The following ZBBX variants were observed in gnomAD, a reference collection of about 807,000 sequenced individuals.
ZBBX encodes the protein zinc finger B-box domain containing, also known as zinc finger B-box domain-containing protein 1.
In ZBBX, 101 loss-of-function variants were observed where a neutral mutation model predicts 108.5. That is an observed-to-expected ratio of 0.93 (90% CI 0.79 to 1.10). ZBBX has a LOEUF of 1.10. Ranked by LOEUF, ZBBX falls within the 50% of genes least tolerant of loss-of-function variation. The probability of loss-of-function intolerance (pLI) is 0.00; values close to 1 mark genes in which losing one functional copy is unlikely to be tolerated. For synonymous variants in ZBBX, 356 were observed against 323.4 expected (o/e 1.10, Z -1.08); for missense variants, 1,009 against 941.4 (o/e 1.07, Z -0.94).
chr3:167,180,325 G>A, the ZBBX span, among the ~76,000 whole-genome samples: 6 of 152,168 alleles, frequency 3.9e-5, no homozygotes, highest in African/African-American at 1.4e-4. Flanking sequence ...GCCTAGAGCA[G>A]GTCGTATCCA....
At position 167,282,417 on chromosome 3, in the gene ZBBX, G is replaced by C; in HGVS notation, c.2075C>G (p.Ser692Cys). 1 of 1,614,074 alleles carries C rather than the reference G, an allele frequency of 6.2e-7. No individual in the cohort carries two copies. Among genetic ancestry groups the C allele is most frequent in the Non-Finnish European group, 8.5e-7 (1 of 1,179,978 alleles). ...TGCACTTCTTGATCGAGGATGAGAG[G>C]ATGAAAGGCAACTGGAGCTTTCTTT... is the stretch of plus-strand genomic sequence containing the variant. ...SVKESSSCLS[S>C]SHPRSRSAAA... Residue 692 changes from serine (S) to cysteine (C), a missense_variant, in exon 20 of 22, where the codon TCC becomes TGC. By Grantham distance (112) the Ser-to-Cys change is moderately radical. Coordinates refer to ENST00000675490, the MANE Select transcript of ZBBX (RefSeq NM_001199201.2).
At chr3:167,386,769 A>T (rs955639780) in intron 1 of ZBBX, among the ~76,000 whole-genome samples, 3 of 152,068 alleles carry the variant, frequency 2.0e-5, no homozygotes, top group African/African-American at 7.2e-5. Flanking sequence ...CAATAAGTGT[A>T]TCATACTGTC....
chr3:167,234,544 T>C, the ZBBX span, among the ~76,000 whole-genome samples: 2 of 151,904 alleles, frequency 1.3e-5, no homozygotes, highest in African/African-American at 4.8e-5. Flanking sequence ...ATTGATTATA[T>C]AAGAAACTGG....
At chr3:167,390,336 T>C (rs571187496) in intron 1 of ZBBX, among the ~76,000 whole-genome samples, 3 of 152,240 alleles carry the variant, frequency 2.0e-5, no homozygotes, top group African/African-American at 7.2e-5. Flanking sequence ...TCTGTTTTGG[T>C]ACCAGTGCCA....
At chr3:167,210,262 C>T in the ZBBX span, among the ~76,000 whole-genome samples, 1 of 151,798 alleles carries the variant, frequency 6.6e-6, no homozygotes, top group Non-Finnish European at 1.5e-5. Flanking sequence ...AATTGACATG[C>T]TAAAGAATGC....
At chr3:167,252,394 T>C (rs1448487290) in intron 20 of ZBBX, among the ~76,000 whole-genome samples, 1 of 152,204 alleles carries the variant, frequency 6.6e-6, no homozygotes, top group Non-Finnish European at 1.5e-5. Flanking sequence ...GGAATTGTTC[T>C]GCTCATTGAC....
At chr3:167,327,433 C>T (rs1737595471) in intron 11 of ZBBX, among the ~76,000 whole-genome samples, 1 of 152,062 alleles carries the variant, frequency 6.6e-6, no homozygotes, top group African/African-American at 2.4e-5. Flanking sequence ...AATGCAAATC[C>T]CCCTAGTGCC....
At chr3:167,382,897 T>C (rs1203784283), upstream of ZBBX, among the ~76,000 whole-genome samples, 1 of 152,094 alleles carries the variant, frequency 6.6e-6, no homozygotes, top group Non-Finnish European at 1.5e-5. Context: ...AAGCTAATGG[T>C]TTTATTGCAC....
chr3:167,248,558 C>A (rs1315657376), intron 20 of ZBBX: 1 of 448,522 alleles, frequency 2.2e-6, no homozygotes, highest in African/African-American at 2.0e-5. Context: ...GCAAATTCGA[C>A]AGGGCACATT....
chr3:167,197,252 A>ATTAAAT, the ZBBX span, among the ~76,000 whole-genome samples: 1 of 152,184 alleles, frequency 6.6e-6, no homozygotes, highest in South Asian at 2.1e-4. Context: ...AGAATTTAAA[A>ATTAAAT]TGTAGGCTGG....
chr3:167,337,354 C>T (rs1357136634), intron 9 of ZBBX, among the ~76,000 whole-genome samples: 1 of 151,988 alleles, frequency 6.6e-6, no homozygotes, highest in African/African-American at 2.4e-5. Context: ...CCTATCCCTA[C>T]TAAAAATACA....
chr3:167,307,182 G>A (rs781737544), intron 16 of ZBBX, among the ~76,000 whole-genome samples: 1 of 152,046 alleles, frequency 6.6e-6, no homozygotes, highest in Non-Finnish European at 1.5e-5. Flanking sequence ...CATACTGAAA[G>A]GGCAAAAGTA....
At chr3:167,323,816 C>T (rs1179049443) in intron 11 of ZBBX, among the ~76,000 whole-genome samples, 2 of 152,032 alleles carry the variant, frequency 1.3e-5, no homozygotes, top group Non-Finnish European at 2.9e-5. Context: ...CGAAACCAGC[C>T]ATGCCTGCAG....
rs1553821709 is a variant in ZBBX, at chr3:167,332,268, TAAAC to T, written c.687+1555_687+1558del. Among the ~76,000 whole-genome samples, 451 of 136,084 alleles carry T rather than the reference TAAAC, an allele frequency of 3.3e-3. 1 individual carries two copies. Among genetic ancestry groups the T allele is most frequent in the South Asian group, 8.1e-3 (34 of 4,194 alleles). 89.3% of individuals were successfully genotyped at this position (136,084 alleles called of 152,430 possible). On this transcript the variant is annotated intron_variant, in intron 10 of 21. Transcript: ENST00000675490. ...ACACTCACCAGAATCACTGAGGAGT[TAAAC>T]ACACACACACACACACAAACACACA...
intron 17 of ZBBX, among the ~76,000 whole-genome samples, chr3:167,299,616 T>C (rs998470175): frequency 6.6e-6 from 1 of 152,152 alleles, no homozygotes; most frequent in Non-Finnish European, 1.5e-5. Flanking sequence ...AACTAGTCCA[T>C]TGTTTTCCTA....
downstream of ZBBX, among the ~76,000 whole-genome samples, chr3:167,236,101 T>C (rs927529145): frequency 2.6e-5 from 4 of 151,804 alleles, no homozygotes; most frequent in African/African-American, 9.7e-5. Flanking sequence ...AAGGTGTTCA[T>C]AAAATTCTGG....
chr3:167,239,512 TAATG>T (rs1720375504), downstream of ZBBX, among the ~76,000 whole-genome samples: 1 of 152,240 alleles, frequency 6.6e-6, no homozygotes, highest in South Asian at 2.1e-4. Flanking sequence ...CATTTCTACA[TAATG>T]AATATTAAAT....
chr3:167,219,402 CA>C, the ZBBX span, among the ~76,000 whole-genome samples: 4 of 151,734 alleles, frequency 2.6e-5, no homozygotes, highest in East Asian at 1.9e-4. Context: ...TTTAAAAGTT[CA>C]AAAAAACTGA....
intron 9 of ZBBX, among the ~76,000 whole-genome samples, chr3:167,337,858 A>G (rs1242670547): frequency 6.6e-6 from 1 of 152,188 alleles, no homozygotes; most frequent in Middle Eastern, 3.2e-3. Context: ...ATTAAGTATC[A>G]TAACACTGTA....
Sources: allele counts gnomAD v4.1 joint callset (sites outside exome capture counted in the v4.1 genomes callset), GRCh38; gene constraint gnomAD v4.1.1; transcripts MANE v1.5; gene names NCBI Gene and HGNC (gene_info 2026-07-23, HGNC 2026-07-21).